The following HS2ST1 variants were observed in gnomAD, a reference collection of about 807,000 sequenced individuals.
The protein encoded by HS2ST1 is 2-O-sulfotransferase.
HS2ST1 carries 18 observed loss-of-function variants against 42.9 expected under a neutral mutation model. The ratio of observed to expected loss-of-function variants is 0.42; its 90% confidence interval spans 0.29 to 0.62. HS2ST1 has a LOEUF of 0.62. Among genes scored for constraint, HS2ST1 ranks in the 20% least tolerant of loss-of-function variants. HS2ST1 has a pLI of 0.21. For missense variants in HS2ST1, 334 were observed against 433.8 expected, an observed-to-expected ratio of 0.77 and a Z score of 2.04; for synonymous variants, 146 against 152.9, an observed-to-expected ratio of 0.95 and a Z score of 0.33.
At chr1:87,085,116 GGTAGTACACATAGTACCATT>G (rs1426460271) in intron 3 of HS2ST1, among the ~76,000 whole-genome samples, 2 of 151,980 alleles carry the variant, frequency 1.3e-5, no homozygotes, top group African/African-American at 4.8e-5. Flanking sequence ...GAACTTTTTT[GGTAGTACACATAGTACCATT>G]GTAGTAAACC....
At chr1:87,002,588 G>A (rs1649320730) in intron 1 of HS2ST1, among the ~76,000 whole-genome samples, 1 of 147,876 alleles carries the variant, frequency 6.8e-6, no homozygotes, top group African/African-American at 2.5e-5. Context: ...TGACAAGAGT[G>A]AGACCCTGGA....
At position 87,109,002 on chromosome 1, in the gene HS2ST1, C is replaced by G. The variant is rs867623790; in HGVS notation, c.*4306C>G. 6.6e-6 allele frequency: 1 copy of G among 152,442 alleles called. No homozygotes were observed. Among genetic ancestry groups the G allele is most frequent in the African/African-American group, 2.4e-5 (1 of 41,388 alleles). 9.4% of individuals were successfully genotyped at this position (152,442 alleles called of 1,614,324 possible). Reference sequence around the variant, plus strand: ...TTTCTCTCTTCTCTCTCCCTGCCCTCCCCCACTCCATTCAGTTGATTCATT... The same window carrying G: ...TTTCTCTCTTCTCTCTCCCTGCCCTGCCCCACTCCATTCAGTTGATTCATT... On this transcript the variant is annotated 3_prime_UTR_variant, in exon 7 of 7. Transcript: ENST00000370550.
In HS2ST1 at chr1:87,105,506, G is replaced by T. The variant is rs906420346; in HGVS notation, c.*810G>T. 1 of 152,174 alleles carries T rather than the reference G, an allele frequency of 6.6e-6. No individual in the cohort carries two copies. The highest frequency in any genetic ancestry group is 1.5e-5 in the Non-Finnish European group (1 of 67,934). 9.4% of individuals were successfully genotyped at this position (152,174 alleles called of 1,614,324 possible). The stretch of plus-strand genomic sequence containing the variant: ...TTGTAAAGCTGTAAACTGAGATATC[G>T]GTGACTCCGTATTATGACTCCATTA... On this transcript the variant is annotated 3_prime_UTR_variant, in exon 7 of 7. Coordinates refer to ENST00000370550, the MANE Select transcript of HS2ST1 (RefSeq NM_012262.4).
At chr1:87,098,445 ATG>A in intron 5 of HS2ST1, 8 of 609,076 alleles carry the variant, frequency 1.3e-5, no homozygotes, top group Non-Finnish European at 1.6e-5. Flanking sequence ...TTTCCTCAGA[ATG>A]TGTTGAGTTT....
At chr1:86,991,379 G>T (rs189322874) in intron 1 of HS2ST1, among the ~76,000 whole-genome samples, 3 of 152,270 alleles carry the variant, frequency 2.0e-5, no homozygotes, top group East Asian at 1.9e-4. Context: ...AGGAAAATGC[G>T]TACAGAAAAC....
At chr1:87,101,502 A>G (rs1373617229) in intron 5 of HS2ST1, among the ~76,000 whole-genome samples, 1 of 152,126 alleles carries the variant, frequency 6.6e-6, no homozygotes, top group African/African-American at 2.4e-5. Context: ...ATAGATCTCT[A>G]GAACTTGGAC....
At chr1:86,967,951 C>A (rs1325968027) in intron 1 of HS2ST1, among the ~76,000 whole-genome samples, 1 of 152,196 alleles carries the variant, frequency 6.6e-6, no homozygotes, top group South Asian at 2.1e-4. Flanking sequence ...CACATCCATG[C>A]CAACATGTAT....
chr1:87,082,816 C>T (rs1651725136), intron 2 of HS2ST1, among the ~76,000 whole-genome samples: 1 of 152,146 alleles, frequency 6.6e-6, no homozygotes, highest in Non-Finnish European at 1.5e-5. Context: ...AACCTCAAAT[C>T]ACATTTATTT....
intron 1 of HS2ST1, among the ~76,000 whole-genome samples, chr1:86,935,272 A>G (rs2102169213): frequency 6.6e-6 from 1 of 151,898 alleles, no homozygotes; most frequent in African/African-American, 2.4e-5. Context: ...ATTGTTGCAT[A>G]TGAACCTCAG....
At chr1:87,079,262 C>T (rs535636903) in intron 2 of HS2ST1, among the ~76,000 whole-genome samples, 5 of 152,156 alleles carry the variant, frequency 3.3e-5, no homozygotes, top group South Asian at 2.1e-4. Context: ...CTCAGCCTCC[C>T]GTGTAGCTAG....
intron 1 of HS2ST1, chr1:87,045,397 C>T: frequency 6.9e-7 from 1 of 1,459,578 alleles, no homozygotes; most frequent in Non-Finnish European, 9.6e-7. Flanking sequence ...TTGTTCCTTT[C>T]CCATCTTCAA....
At chr1:87,084,533 T>G (rs1047871250) in intron 3 of HS2ST1, among the ~76,000 whole-genome samples, 7 of 152,128 alleles carry the variant, frequency 4.6e-5, no homozygotes, top group African/African-American at 1.7e-4. Flanking sequence ...TGTATATGCC[T>G]TGTACAACCA....
At chr1:86,965,113 A>C (rs1275963230) in intron 1 of HS2ST1, among the ~76,000 whole-genome samples, 4 of 152,246 alleles carry the variant, frequency 2.6e-5, no homozygotes, top group African/African-American at 9.6e-5. Flanking sequence ...GATTTTATGC[A>C]TCTTTCAGTA....
chr1:87,094,366 C>T (rs553193968), intron 4 of HS2ST1, among the ~76,000 whole-genome samples: 1 of 152,160 alleles, frequency 6.6e-6, no homozygotes, highest in South Asian at 2.1e-4. Context: ...GTAATAATAG[C>T]TCACATTTAC....
At chr1:86,918,809 C>A (rs1660225356) in intron 1 of HS2ST1, among the ~76,000 whole-genome samples, 1 of 151,592 alleles carries the variant, frequency 6.6e-6, no homozygotes, top group Admixed American at 6.6e-5. Flanking sequence ...AATTAATTTA[C>A]CTTCTAATTT....
intron 1 of HS2ST1, among the ~76,000 whole-genome samples, chr1:87,058,067 A>T (rs1172163959): frequency 6.6e-6 from 1 of 151,462 alleles, no homozygotes; most frequent in Non-Finnish European, 1.5e-5. Context: ...GAGTCCAAAA[A>T]CACATCTGTA....
At chr1:87,064,010 G>C (rs1480118114) in intron 1 of HS2ST1, among the ~76,000 whole-genome samples, 1 of 152,112 alleles carries the variant, frequency 6.6e-6, no homozygotes, top group Non-Finnish European at 1.5e-5. Context: ...CCTGTACTTG[G>C]CCTTCTCTGA....
intron 1 of HS2ST1, among the ~76,000 whole-genome samples, chr1:86,941,835 T>A (rs2102176371): frequency 6.6e-6 from 1 of 152,322 alleles, no homozygotes; most frequent in South Asian, 2.1e-4. Context: ...CTACTGAACC[T>A]GTTTTCCTCT....
chr1:87,033,856 A>T (rs1434611680), intron 1 of HS2ST1, among the ~76,000 whole-genome samples: 1 of 152,062 alleles, frequency 6.6e-6, no homozygotes, highest in African/African-American at 2.4e-5. Flanking sequence ...AAAGTGGTAA[A>T]TTTTTTAGTT....
Sources: gnomAD v4.1 joint callset for allele counts (sites outside exome capture counted in the v4.1 genomes callset) on GRCh38, gnomAD v4.1.1 for gene constraint, MANE v1.5 for transcripts, NCBI Gene and HGNC (gene_info 2026-07-23, HGNC 2026-07-21) for gene names.